The following ATP13A4 variants were observed in gnomAD, a reference collection of about 807,000 sequenced individuals.
ATP13A4 encodes the protein probable cation-transporting ATPase 13A4.
Under a neutral mutation model 142.5 loss-of-function variants are expected in ATP13A4, and 114 were observed. The observed-to-expected ratio is 0.80, with a 90% CI of 0.69 to 0.93. ATP13A4 has a LOEUF of 0.93. ATP13A4 is among the 40% of genes least tolerant of loss of function. ATP13A4 has a pLI of 0.00. For missense variants in ATP13A4, 1,392 were observed against 1,454.0 expected (o/e 0.96, Z 0.69); for synonymous variants, 488 against 514.8 (o/e 0.95, Z 0.70).
rs1358943260 is a variant in ATP13A4, at chr3:193,466,186, G to A, written c.1115-4C>T. The stretch of plus-strand genomic sequence containing the variant: ...TCTCCCTTTGCAGTGTTGAATCCTG[G>A]AACAACAAACACACACCCCACACTC... On this transcript the variant is annotated splice_region_variant and splice_polypyrimidine_tract_variant and intron_variant, in intron 10 of 29. Transcript: ENST00000342695. The A allele has an allele frequency of 1.9e-6, 3 of 1,613,658 alleles. No homozygotes were observed. Among genetic ancestry groups the A allele is most frequent in the South Asian group, 2.2e-5 (2 of 91,042 alleles).
intron 1 of ATP13A4, among the ~76,000 whole-genome samples, chr3:193,551,742 G>A (rs559227288): frequency 5.3e-5 from 8 of 152,154 alleles, no homozygotes; most frequent in African/African-American, 1.7e-4. Flanking sequence ...CTCCCGTCCC[G>A]TCCCAGTGCT....
chr3:193,457,797 A>G (rs147444565), intron 14 of ATP13A4, among the ~76,000 whole-genome samples: 121 of 152,332 alleles, frequency 7.9e-4, no homozygotes, highest in African/African-American at 2.6e-3. Flanking sequence ...TTTTGTGTGA[A>G]GCAAGCACCT....
rs73078982 is a variant in ATP13A4 at position 193,437,414 on chromosome 3, C to T, written c.2672+1061G>A. On this transcript the variant is annotated intron_variant, in intron 23 of 29. Transcript: ENST00000342695. ...AAATGCCTACTCACTAAAGATTTGT[C>T]AAATGCATGAATAAATAAAAAATTG... 5.0e-3 allele frequency among the ~76,000 whole-genome samples: 755 copies of T among 152,164 alleles called. 10 individuals are homozygous for T. The highest frequency in any genetic ancestry group is 0.017 in the African/African-American group (709 of 41,526).
intron 1 of ATP13A4, among the ~76,000 whole-genome samples, chr3:193,545,973 TTGTGTGTGTGTGTGTGTGTGTG>T (rs3053200): frequency 6.4e-4 from 92 of 143,422 alleles, no homozygotes; most frequent in African/African-American, 1.6e-3. Context: ...AATGTTTAAA[TTGTGTGTGTGTGTGTGTGTGTG>T]TGTGTGTGTG....
chr3:193,441,034 A>C (rs1268655584), intron 20 of ATP13A4, among the ~76,000 whole-genome samples: 1 of 151,036 alleles, frequency 6.6e-6, no homozygotes, highest in Non-Finnish European at 1.5e-5. Context: ...TATATATCTA[A>C]AACTTACCTC....
At chr3:193,428,025 T>G (rs974174418) in intron 25 of ATP13A4, among the ~76,000 whole-genome samples, 2 of 152,020 alleles carry the variant, frequency 1.3e-5, no homozygotes, top group Non-Finnish European at 2.9e-5. Context: ...GGGAGAAAAT[T>G]TTTGCAATCT....
In ATP13A4 at chr3:193,407,054, T is replaced by C. The variant is rs189065495; in HGVS notation, c.3378+259A>G. 3.9e-5 allele frequency among the ~76,000 whole-genome samples: 6 copies of C among 152,270 alleles called. No individual in the cohort carries two copies. The East Asian group carries it at 1.2e-3, about 29-fold the overall frequency. ...AAAAGTAAATTGTGTTGGGTCTTTATTTGGAAATTGTAGAAATGAACAGGA... is the reference window on the plus strand; with the variant it reads ...AAAAGTAAATTGTGTTGGGTCTTTACTTGGAAATTGTAGAAATGAACAGGA... On this transcript the variant is annotated intron_variant, in intron 29 of 29. Coordinates refer to ENST00000342695, the MANE Select transcript of ATP13A4 (RefSeq NM_032279.4).
intron 12 of ATP13A4, 80 bp downstream of exon 12, chr3:193,464,860 T>C (rs1024211743): frequency 4.8e-6 from 7 of 1,472,806 alleles, no homozygotes; most frequent in Non-Finnish European, 6.6e-6. Context: ...GTCTCCTGCC[T>C]TGCAAGGGGG....
intron 29 of ATP13A4, among the ~76,000 whole-genome samples, chr3:193,405,026 A>G (rs1714425420): frequency 6.6e-6 from 1 of 152,204 alleles, no homozygotes; most frequent in African/African-American, 2.4e-5. Context: ...GAGCACTGGC[A>G]TAGTAAGGAT....
chr3:193,435,391 C>A (rs1394279370), intron 24 of ATP13A4, among the ~76,000 whole-genome samples: 2 of 152,062 alleles, frequency 1.3e-5, no homozygotes, highest in Admixed American at 1.3e-4. Flanking sequence ...GTAAAAGTAG[C>A]AGCAATATAT....
At chr3:193,588,692 T>C (rs1468291298) in intron 1 of ATP13A4, among the ~76,000 whole-genome samples, 1 of 152,144 alleles carries the variant, frequency 6.6e-6, no homozygotes, top group African/African-American at 2.4e-5. Context: ...TATGACACTA[T>C]AGTCTGCCTC....
intron 8 of ATP13A4, among the ~76,000 whole-genome samples, chr3:193,477,099 G>T (rs974101619): frequency 2.0e-5 from 3 of 151,792 alleles, no homozygotes; most frequent in African/African-American, 7.3e-5. Context: ...TAAAGCAAGG[G>T]GCAATAAAAC....
intron 25 of ATP13A4, among the ~76,000 whole-genome samples, chr3:193,433,526 G>A (rs1344937688): frequency 6.6e-6 from 1 of 152,094 alleles, no homozygotes; most frequent in Non-Finnish European, 1.5e-5. Flanking sequence ...AACTATAACT[G>A]TATCTAAAAG....
chr3:193,456,787 C>T (rs140901424), intron 16 of ATP13A4, among the ~76,000 whole-genome samples: 2 of 151,952 alleles, frequency 1.3e-5, no homozygotes, highest in East Asian at 1.9e-4. Flanking sequence ...GGGGTGGTGG[C>T]GGGGGATGGT....
At chr3:193,510,722 TC>T (rs1423325380) in intron 2 of ATP13A4, among the ~76,000 whole-genome samples, 1 of 152,072 alleles carries the variant, frequency 6.6e-6, no homozygotes, top group Non-Finnish European at 1.5e-5. Context: ...TACATCACCG[TC>T]TTTTTTTTTA....
intron 14 of ATP13A4, among the ~76,000 whole-genome samples, chr3:193,457,799 C>G (rs747546795): frequency 6.6e-5 from 10 of 152,226 alleles, no homozygotes; most frequent in Non-Finnish European, 1.5e-4. Flanking sequence ...TTGTGTGAAG[C>G]AAGCACCTTT....
chr3:193,442,194 A>G (rs1716682892), intron 19 of ATP13A4, among the ~76,000 whole-genome samples, 199 bp downstream of exon 19: 1 of 152,230 alleles, frequency 6.6e-6, no homozygotes, highest in African/African-American at 2.4e-5. Context: ...TAAAAGATGG[A>G]TTATTTCCAG....
chr3:193,464,869 G>C (rs1279089892), intron 12 of ATP13A4, 71 bp downstream of exon 12: 1 of 1,516,744 alleles, frequency 6.6e-7, no homozygotes, highest in Non-Finnish European at 9.1e-7. Context: ...CTTGCAAGGG[G>C]GTAAAAGTAG....
intron 29 of ATP13A4, among the ~76,000 whole-genome samples, chr3:193,404,843 A>C (rs1418826867): frequency 6.6e-6 from 1 of 152,214 alleles, no homozygotes; most frequent in East Asian, 1.9e-4. Context: ...CGAAAGCCTT[A>C]GTGAGACATT....
Sources: gnomAD v4.1 joint callset for allele counts (sites outside exome capture counted in the v4.1 genomes callset) on GRCh38, gnomAD v4.1.1 for gene constraint, MANE v1.5 for transcripts, NCBI Gene and HGNC (gene_info 2026-07-23, HGNC 2026-07-21) for gene names.